The following GREB1L variants were observed in gnomAD, a reference collection of about 807,000 sequenced individuals.
GREB1L encodes the protein GREB1-like protein.
GREB1L carries 17 observed loss-of-function variants against 200.8 expected under a neutral mutation model. The ratio of observed to expected loss-of-function variants is 0.08; its 90% confidence interval spans 0.06 to 0.13. GREB1L has a LOEUF of 0.13. Among genes scored for constraint, GREB1L ranks in the 10% least tolerant of loss-of-function variants. The pLI is 1.00. For missense variants in GREB1L, 1,657 were observed against 2,367.7 expected (o/e 0.70, Z 6.23); for synonymous variants, 789 against 893.0 (o/e 0.88, Z 2.08).
At position 21,353,855 on chromosome 18, in the gene GREB1L, G is replaced by A. The variant is rs538893756; in HGVS notation, c.-119-12172G>A. Among the ~76,000 whole-genome samples, 10 of 152,078 alleles carry A rather than the reference G, an allele frequency of 6.6e-5. No homozygotes were observed. In the East Asian group the frequency reaches 9.7e-4, roughly 15 times the overall value. On this transcript the variant is annotated intron_variant, in intron 1 of 32. Coordinates refer to ENST00000424526, the MANE Select transcript of GREB1L (RefSeq NM_001142966.3). ...GGCTGAAGTGCAGTGGTGCAATCTC[G>A]GCTCACTGCAACCTCTGCCTCCTGG...
chr18:21,519,018 C>G (rs577641048), intron 31 of GREB1L, among the ~76,000 whole-genome samples: 1 of 152,068 alleles, frequency 6.6e-6, no homozygotes, highest in Non-Finnish European at 1.5e-5. Flanking sequence ...ACTCTTTTAA[C>G]GCTAAAGTCA....
intron 1 of GREB1L, among the ~76,000 whole-genome samples, chr18:21,334,972 A>G (rs1282545637): frequency 6.6e-6 from 1 of 152,228 alleles, no homozygotes; most frequent in African/African-American, 2.4e-5. Flanking sequence ...TGAGCCTACC[A>G]TTAAAAGAGA....
intron 1 of GREB1L, among the ~76,000 whole-genome samples, chr18:21,247,985 A>C (rs2037635581): frequency 6.6e-6 from 1 of 152,208 alleles, no homozygotes; most frequent in Admixed American, 6.5e-5. Context: ...CTCAGCGCCC[A>C]CTAAAAAAGT....
At chr18:21,378,872 T>G (rs77521822) in intron 2 of GREB1L, among the ~76,000 whole-genome samples, 4,015 of 147,598 alleles carry the variant, frequency 0.027, 148 homozygotes, top group African/African-American at 0.084. Flanking sequence ...TAATTTAGTG[T>G]TTTTTTTTTC....
chr18:21,524,648 T>C lies in GREB1L; in HGVS notation c.*1827T>C, dbSNP rs2037654657. 6.6e-6 allele frequency: 1 copy of C among 152,294 alleles called. No individual in the cohort carries two copies. The highest frequency in any genetic ancestry group is 1.9e-4 in the East Asian group (1 of 5,184). 9.4% of individuals were successfully genotyped at this position (152,294 alleles called of 1,614,324 possible). A position where few individuals can be genotyped will look rare whatever the true frequency, so the allele number is the denominator to read the frequency against. ...AATACTTGAAAGAATTCTGAAACAA[T>C]TGTACCTGGGGTGGATGGCCTCTCA... On this transcript the variant is annotated 3_prime_UTR_variant, in exon 33 of 33. Transcript: ENST00000424526.
chr18:21,466,799 A>G (rs2035277661), intron 15 of GREB1L, among the ~76,000 whole-genome samples: 1 of 152,186 alleles, frequency 6.6e-6, no homozygotes, highest in Admixed American at 6.5e-5. Context: ...TACCCAAAAC[A>G]TTATTGAAAA....
chr18:21,433,437 T>C (rs2033309551), intron 7 of GREB1L, among the ~76,000 whole-genome samples: 1 of 152,230 alleles, frequency 6.6e-6, no homozygotes, highest in African/African-American at 2.4e-5. Context: ...AATATGACTG[T>C]GGCCTGAAAC....
intron 2 of GREB1L, among the ~76,000 whole-genome samples, chr18:21,370,698 C>T (rs2039839389): frequency 6.6e-6 from 1 of 152,164 alleles, no homozygotes; most frequent in Non-Finnish European, 1.5e-5. Context: ...CCTCTTAGAA[C>T]TTAAGAAATC....
chr18:21,332,350 CTT>C (rs2145050329), intron 1 of GREB1L, among the ~76,000 whole-genome samples: 1 of 152,160 alleles, frequency 6.6e-6, no homozygotes, highest in South Asian at 2.1e-4. Flanking sequence ...TATGTTATCT[CTT>C]CTCCCTAGAA....
intron 1 of GREB1L, among the ~76,000 whole-genome samples, chr18:21,298,497 G>A (rs6508320): frequency 0.14 from 21,971 of 152,028 alleles, 3,404 homozygotes; most frequent in African/African-American, 0.38. Context: ...CTTATTCTTC[G>A]TTGTCTTCTT....
At chr18:21,295,604 A>G (rs2038514443) in intron 1 of GREB1L, among the ~76,000 whole-genome samples, 1 of 152,202 alleles carries the variant, frequency 6.6e-6, no homozygotes, top group Admixed American at 6.5e-5. Context: ...AGTAAGATTC[A>G]TCTAACATTT....
At chr18:21,408,136 A>AC (rs757134592) in intron 7 of GREB1L, among the ~76,000 whole-genome samples, 56 of 144,174 alleles carry the variant, frequency 3.9e-4, no homozygotes, top group Non-Finnish European at 7.6e-4. Context: ...ATACACACAC[A>AC]AAAAAAGATA....
At chr18:21,341,276 T>C (rs2039265461) in intron 1 of GREB1L, among the ~76,000 whole-genome samples, 1 of 152,206 alleles carries the variant, frequency 6.6e-6, no homozygotes, top group East Asian at 1.9e-4. Flanking sequence ...CTTGTCTTTA[T>C]GACAAAACTG....
At chr18:21,260,639 A>G (rs1394848433) in intron 1 of GREB1L, among the ~76,000 whole-genome samples, 3 of 151,858 alleles carry the variant, frequency 2.0e-5, no homozygotes, top group African/African-American at 7.3e-5. Flanking sequence ...CTTTTCCCTT[A>G]ACTCTTATAT....
chr18:21,510,625 T>G (rs537813733), intron 27 of GREB1L, among the ~76,000 whole-genome samples: 1 of 152,384 alleles, frequency 6.6e-6, no homozygotes, highest in East Asian at 1.9e-4. Context: ...ACCTTATGGC[T>G]GTTGTGCATC....
At chr18:21,485,530 C>A in intron 17 of GREB1L, 90 bp from the exon 18 acceptor site, 1 of 1,161,696 alleles carries the variant, frequency 8.6e-7, no homozygotes, top group South Asian at 1.7e-5. Flanking sequence ...TAACCTCTTA[C>A]AGCGGTCATT....
intron 1 of GREB1L, among the ~76,000 whole-genome samples, chr18:21,270,895 T>C (rs79055040): frequency 0.068 from 10,299 of 152,240 alleles, 542 homozygotes; most frequent in Admixed American, 0.14. Context: ...ATTTCATCCT[T>C]ATCACCATCC....
At chr18:21,339,632 T>G (rs2039238661) in intron 1 of GREB1L, among the ~76,000 whole-genome samples, 1 of 152,232 alleles carries the variant, frequency 6.6e-6, no homozygotes, top group Non-Finnish European at 1.5e-5. Context: ...AAAGGCTCTA[T>G]CTCATAATGT....
chr18:21,268,588 T>TAC (rs1567914945), intron 1 of GREB1L, among the ~76,000 whole-genome samples: 2 of 134,750 alleles, frequency 1.5e-5, no homozygotes, highest in Non-Finnish European at 3.1e-5. Context: ...TATATATATA[T>TAC]ATATACATGT....
Sources: gnomAD v4.1 joint callset for allele counts (sites outside exome capture counted in the v4.1 genomes callset) on GRCh38, gnomAD v4.1.1 for gene constraint, MANE v1.5 for transcripts, NCBI Gene and HGNC (gene_info 2026-07-23, HGNC 2026-07-21) for gene names.